Variants in C7orf78 observed in about 807,000 individuals in gnomAD.
C7orf78 encodes putative uncharacterized protein C7orf78.
the C7orf78 span, among the ~76,000 whole-genome samples, chr7:12,520,002 A>G: frequency 1.3e-5 from 2 of 152,186 alleles, no homozygotes; most frequent in African/African-American, 4.8e-5. Flanking sequence ...CTCCAGATGA[A>G]CACCCACACT....
chr7:12,541,272 A>C, the C7orf78 span: 1 of 152,188 alleles, frequency 6.6e-6, no homozygotes, highest in African/African-American at 2.4e-5. Flanking sequence ...AAACAACAAT[A>C]ATGCTTACTA....
the C7orf78 span, among the ~76,000 whole-genome samples, chr7:12,502,381 T>C: frequency 1.3e-5 from 2 of 149,268 alleles, no homozygotes; most frequent in Non-Finnish European, 3.0e-5. Flanking sequence ...CAAACAAATT[T>C]ACAAGAAAAA....
chr7:12,521,005 G>A, the C7orf78 span, among the ~76,000 whole-genome samples: 3 of 151,846 alleles, frequency 2.0e-5, no homozygotes, highest in Non-Finnish European at 2.9e-5. Context: ...TTTATTTGAA[G>A]TCTATTTTAT....
chr7:12,534,372 C>A, the C7orf78 span, among the ~76,000 whole-genome samples: 6 of 152,026 alleles, frequency 3.9e-5, no homozygotes, highest in African/African-American at 9.7e-5. Context: ...GGATTACAGA[C>A]CTAAATGTGA....
chr7:12,507,533 T>C, the C7orf78 span: 968 of 184,266 alleles, frequency 5.3e-3, 17 homozygotes, highest in East Asian at 0.044. Context: ...TTGTAAAGTT[T>C]TCATTTGACA....
the C7orf78 span, among the ~76,000 whole-genome samples, chr7:12,516,035 G>T: frequency 2.0e-5 from 3 of 152,170 alleles, no homozygotes; most frequent in Non-Finnish European, 2.9e-5. Context: ...GTAACAAGGA[G>T]CCAAATGTTA....
chr7:12,536,432 C>CTGT, the C7orf78 span, among the ~76,000 whole-genome samples: 1 of 152,110 alleles, frequency 6.6e-6, no homozygotes, highest in Admixed American at 6.5e-5. Context: ...AGCACGGGGA[C>CTGT]CCTGGTCCTG....
chr7:12,520,594 T>C, the C7orf78 span, among the ~76,000 whole-genome samples: 3 of 152,342 alleles, frequency 2.0e-5, no homozygotes, highest in South Asian at 6.2e-4. Context: ...AAAGATACTT[T>C]CTATGTTTTT....
the C7orf78 span, among the ~76,000 whole-genome samples, chr7:12,503,312 A>T: frequency 6.6e-6 from 1 of 152,112 alleles, no homozygotes; most frequent in East Asian, 1.9e-4. Flanking sequence ...GGAAACTTGA[A>T]TTGTGGATAT....
the C7orf78 span, among the ~76,000 whole-genome samples, chr7:12,528,490 T>C: frequency 2.5e-4 from 33 of 133,212 alleles, no homozygotes; most frequent in Non-Finnish European, 4.7e-4. Context: ...AAATGCCATC[T>C]AGCTGTGTAA....
the C7orf78 span, among the ~76,000 whole-genome samples, chr7:12,502,398 C>T: frequency 4.6e-5 from 7 of 151,204 alleles, no homozygotes; most frequent in Non-Finnish European, 8.8e-5. Flanking sequence ...AAAAAACAAA[C>T]AACCCCATCA....
At chr7:12,491,288 T>C in the C7orf78 span, 1 of 152,196 alleles carries the variant, frequency 6.6e-6, no homozygotes, top group Non-Finnish European at 1.5e-5. Context: ...GTGTTAATGG[T>C]ACAAAGTTTT....
the C7orf78 span, among the ~76,000 whole-genome samples, chr7:12,497,357 A>T: frequency 6.6e-6 from 1 of 152,216 alleles, no homozygotes; most frequent in African/African-American, 2.4e-5. Flanking sequence ...GGCACAGGTC[A>T]GTGAGTGCGC....
chr7:12,502,634 G>T, the C7orf78 span, among the ~76,000 whole-genome samples: 30,634 of 151,534 alleles, frequency 0.2, 4,284 homozygotes, highest in African/African-American at 0.4. Flanking sequence ...CATTGTTGGT[G>T]GGACTGTAAA....
the C7orf78 span, among the ~76,000 whole-genome samples, chr7:12,532,900 A>G: frequency 6.6e-6 from 1 of 152,176 alleles, no homozygotes; most frequent in Non-Finnish European, 1.5e-5. Context: ...AGATGAATAT[A>G]AAAAGAGTAG....
At chr7:12,508,433 T>C in the C7orf78 span, among the ~76,000 whole-genome samples, 5,223 of 152,186 alleles carry the variant, frequency 0.034, 316 homozygotes, top group African/African-American at 0.12. Flanking sequence ...ATGTGGTAAA[T>C]ATGAGAAAAT....
chr7:12,527,898 A>G, the C7orf78 span, among the ~76,000 whole-genome samples: 1 of 147,918 alleles, frequency 6.8e-6, no homozygotes, highest in Non-Finnish European at 1.5e-5. Context: ...GCTTCCTAGT[A>G]TATGCTATGT....
chr7:12,529,612 G>A, the C7orf78 span, among the ~76,000 whole-genome samples: 25 of 152,304 alleles, frequency 1.6e-4, no homozygotes, highest in Middle Eastern at 3.4e-3. Context: ...GGAGATAGAA[G>A]TTACAGGCAA....
the C7orf78 span, among the ~76,000 whole-genome samples, chr7:12,520,038 G>C: frequency 6.6e-6 from 1 of 152,202 alleles, no homozygotes; most frequent in Non-Finnish European, 1.5e-5. Context: ...GTGGGTACAG[G>C]AGCTCTCCAA....
Sources: allele counts gnomAD v4.1 joint callset (sites outside exome capture counted in the v4.1 genomes callset), GRCh38; gene constraint gnomAD v4.1.1; transcripts MANE v1.5; gene names NCBI Gene and HGNC (gene_info 2026-07-23, HGNC 2026-07-21).